Variants in SEMA3F observed in about 807,000 individuals in gnomAD.
SEMA3F encodes the protein semaphorin-3F.
SEMA3F carries 30 observed loss-of-function variants against 98.5 expected under a neutral mutation model. The ratio of observed to expected loss-of-function variants is 0.30; its 90% CI spans 0.23 to 0.41. The LOEUF is 0.41. Ranked by LOEUF, SEMA3F falls within the 10% of genes least tolerant of loss-of-function variation. The pLI is 1.00. For missense variants in SEMA3F, 866 were observed against 1,119.3 expected (o/e 0.77, Z 3.23); for synonymous variants, 380 against 444.8 (o/e 0.85, Z 1.83).
At chr3:50,168,447 C>T (rs992007604) in intron 2 of SEMA3F, among the ~76,000 whole-genome samples, 1 of 152,166 alleles carries the variant, frequency 6.6e-6, no homozygotes, top group African/African-American at 2.4e-5. Flanking sequence ...AGGTGTGTCT[C>T]TGCACATACT....
At position 50,156,421 on chromosome 3, in the gene SEMA3F, A is replaced by G. The variant is rs560841397; in HGVS notation, c.-49+857A>G. 6.6e-6 allele frequency among the ~76,000 whole-genome samples: 1 copy of G among 152,348 alleles called. No individual in the cohort carries two copies. Among genetic ancestry groups the G allele is most frequent in the South Asian group, 2.1e-4 (1 of 4,828 alleles). ...TTTGAGATAGCTGTGTTTTGCCACCAGAACATTACTGCTTGGGAGAGGTAA... is the reference window on the plus strand; with the variant it reads ...TTTGAGATAGCTGTGTTTTGCCACCGGAACATTACTGCTTGGGAGAGGTAA... On this transcript the variant is annotated intron_variant, in intron 1 of 18. Transcript: ENST00000002829. The surrounding 1 kb of genome is among the most constrained non-coding windows in gnomAD (Gnocchi z 4.5).
Position 50,186,036 on chromosome 3 carries a change from T to A in SEMA3F, c.1735T>A (p.Ser579Thr). Residue 579 changes from serine (S) to threonine (T), a missense_variant, in exon 16 of 19, where the codon TCC (serine) becomes ACC (threonine). Physicochemically the swap from Ser to Thr is moderately conservative, Grantham distance 58. Around this residue, in one of 3 missense-constraint regions of SEMA3F, gnomAD observed 374 missense variants for 582.8 expected, o/e 0.64. Transcript: ENST00000002829. ...CCAGGCCTGCTCCCGCTATACAGCA[T>A]CCTCCAAGAGGTGTGGACCCCTAGA... is the stretch of plus-strand genomic sequence containing the variant. The part of the protein sequence containing the change: ...DGQACSRYTA[S>T]SKRRSRRQDV... 3 of 1,612,038 alleles carry A rather than the reference T, an allele frequency of 1.9e-6. No individual in the cohort carries two copies. The highest frequency in any genetic ancestry group is 2.5e-6 in the Non-Finnish European group (3 of 1,178,704).
chr3:50,182,299 C>T lies in SEMA3F; in HGVS notation c.659C>T (p.Ala220Val). 1 of 1,614,118 alleles carries T rather than the reference C, an allele frequency of 6.2e-7. No individual in the cohort carries two copies. The highest frequency in any genetic ancestry group is 8.5e-7 in the Non-Finnish European group (1 of 1,180,040). The change falls in exon 8 of 19, where the codon GCT becomes GTT. Residue 220 changes from alanine (A) to valine (V), a missense_variant. This residue lies in a region of SEMA3F where 374 missense variants were observed against 582.8 expected (regional missense o/e 0.64). Transcript: ENST00000002829. This position sits in a 1 kb window ranked among gnomAD's most constrained non-coding sequence, Gnocchi z 4.5. ...CTACCCACAGATGAGGAGCTCTATG[C>T]TGGTGTGTACATCGATTTTATGGGC... ...ASALINEELY[A>V]GVYIDFMGTD...
chr3:50,169,309 C>T (rs1428155205), intron 2 of SEMA3F, among the ~76,000 whole-genome samples: 1 of 152,194 alleles, frequency 6.6e-6, no homozygotes, highest in Non-Finnish European at 1.5e-5. Context: ...CCGGGGGCCC[C>T]CAGGACCCAG....
intron 7 of SEMA3F, among the ~76,000 whole-genome samples, chr3:50,181,467 G>A (rs1333098813): frequency 6.1e-5 from 9 of 148,202 alleles, no homozygotes; most frequent in Non-Finnish European, 1.2e-4. Flanking sequence ...GACTACATGC[G>A]TGCACCACCA....
chr3:50,177,006 G>T (rs1575397889), intron 7 of SEMA3F, 145 bp downstream of exon 7: 3 of 693,006 alleles, frequency 4.3e-6, no homozygotes, highest in South Asian at 3.4e-5. Flanking sequence ...TGGCAAGGGG[G>T]AGAGGGTGCA....
In SEMA3F at chr3:50,186,013, A is replaced by G. The variant is rs1432424075; in HGVS notation, c.1712A>G (p.Gln571Arg). ...ARDPYCAWDG[Q>R]ACSRYTASSK... The stretch of plus-strand genomic sequence containing the variant: ...GACCCTTACTGTGCCTGGGATGGCC[A>G]GGCCTGCTCCCGCTATACAGCATCC... Residue 571 changes from glutamine to arginine, a missense_variant, in exon 16 of 19, where the codon CAG (glutamine) becomes CGG (arginine). Coordinates refer to ENST00000002829, the MANE Select transcript of SEMA3F (RefSeq NM_004186.5). 1.2e-6 allele frequency: 2 copies of G among 1,613,884 alleles called. No homozygotes were observed. Among genetic ancestry groups the G allele is most frequent in the Non-Finnish European group, 1.7e-6 (2 of 1,179,852 alleles).
intron 7 of SEMA3F, 108 bp downstream of exon 7, chr3:50,176,969 T>A: frequency 2.3e-6 from 2 of 888,842 alleles, no homozygotes; most frequent in Non-Finnish European, 3.6e-6. Context: ...GACTAGGCTG[T>A]CCCTGAACTC....
At chr3:50,186,568 G>A (rs372211895) in intron 17 of SEMA3F, 45 bp from the exon 18 acceptor site, 1 of 1,567,218 alleles carries the variant, frequency 6.4e-7, no homozygotes. Flanking sequence ...TCAGCAGGCT[G>A]CCCGGAGGTG....
At chr3:50,160,674 G>A (rs1320806748) in intron 2 of SEMA3F, among the ~76,000 whole-genome samples, 2 of 152,204 alleles carry the variant, frequency 1.3e-5, no homozygotes, top group Non-Finnish European at 2.9e-5. Context: ...CCTGGGTGGG[G>A]TCGACTCAGC....
At chr3:50,181,511 A>G (rs1699015474) in intron 7 of SEMA3F, among the ~76,000 whole-genome samples, 1 of 151,470 alleles carries the variant, frequency 6.6e-6, no homozygotes, top group Non-Finnish European at 1.5e-5. Flanking sequence ...TTTAGTAGAA[A>G]CAGGGTTTCA....
At chr3:50,168,625 C>T (rs558554641) in intron 2 of SEMA3F, among the ~76,000 whole-genome samples, 9 of 152,292 alleles carry the variant, frequency 5.9e-5, no homozygotes, top group African/African-American at 1.9e-4. Flanking sequence ...TCCGGCTGGC[C>T]GCTCATTAAA....
chr3:50,162,410 C>G (rs1221344066), intron 2 of SEMA3F, among the ~76,000 whole-genome samples: 1 of 152,186 alleles, frequency 6.6e-6, no homozygotes, highest in Non-Finnish European at 1.5e-5. Context: ...CAAAATCAGG[C>G]AGAAGTGAGG....
At chr3:50,186,182 C>T (rs1699203780) in intron 16 of SEMA3F, 99 bp from the exon 17 acceptor site, 1 of 1,478,226 alleles carries the variant, frequency 6.8e-7, no homozygotes. Context: ...GACATCACTG[C>T]CCTGGGGAAA....
At chr3:50,162,538 G>A (rs1007383496) in intron 2 of SEMA3F, among the ~76,000 whole-genome samples, 5 of 152,190 alleles carry the variant, frequency 3.3e-5, no homozygotes, top group Non-Finnish European at 7.3e-5. Flanking sequence ...CCATGCCTGG[G>A]CCTGGAGTCC....
chr3:50,163,532 T>C (rs1360489091), intron 2 of SEMA3F, among the ~76,000 whole-genome samples: 3 of 152,086 alleles, frequency 2.0e-5, no homozygotes, highest in African/African-American at 7.2e-5. Flanking sequence ...AGGTTAGAGG[T>C]TAGGAAGGGT....
At chr3:50,185,838 G>A in intron 15 of SEMA3F, 51 bp from the exon 16 acceptor site, 13 of 1,606,322 alleles carry the variant, frequency 8.1e-6, no homozygotes, top group Non-Finnish European at 1.1e-5. Context: ...CTGGCTGTTG[G>A]TGGGGCTGGC....
rs998119298 is a variant in SEMA3F at position 50,188,978 on chromosome 3, T to C, written c.*863T>C. The C allele has an allele frequency of 3.9e-5, 6 of 152,036 alleles. No individual in the cohort carries two copies. The highest frequency in any genetic ancestry group is 1.5e-4 in the African/African-American group (6 of 41,360). The allele number at this position is 152,036 out of a possible 1,614,324, so 9.4% of individuals were successfully genotyped here. A position where few individuals can be genotyped will look rare whatever the true frequency, so the allele number is the denominator to read the frequency against. ...GATGTAATTAGCTCTGGGGGGCAGT[T>C]GGGTAGATGGGTGGGGGCTCCTGGT... On this transcript the variant is annotated 3_prime_UTR_variant, in exon 19 of 19. Coordinates refer to ENST00000002829, the MANE Select transcript of SEMA3F (RefSeq NM_004186.5). This position sits in a 1 kb window ranked among gnomAD's most constrained non-coding sequence, Gnocchi z 4.5.
At position 50,166,073 on chromosome 3, in the gene SEMA3F, C is replaced by T. The variant is rs1054725734; in HGVS notation, c.112+6339C>T. On this transcript the variant is annotated intron_variant, in intron 2 of 18. Coordinates refer to ENST00000002829, the MANE Select transcript of SEMA3F (RefSeq NM_004186.5). This position sits in a 1 kb window ranked among gnomAD's most constrained non-coding sequence, Gnocchi z 4.7. Reference sequence around the variant, plus strand: ...TCCAGGGATCAGGAAGCCTCAGCTCCGGATCCCCCTTCCCCCACTCTTCTT... The same window carrying T: ...TCCAGGGATCAGGAAGCCTCAGCTCTGGATCCCCCTTCCCCCACTCTTCTT... 6.6e-6 allele frequency among the ~76,000 whole-genome samples: 1 copy of T among 152,164 alleles called. No homozygotes were observed. Among genetic ancestry groups the T allele is most frequent in the African/African-American group, 2.4e-5 (1 of 41,428 alleles).
Sources: gnomAD v4.1 joint callset for allele counts (sites outside exome capture counted in the v4.1 genomes callset) on GRCh38, gnomAD v4.1.1 for gene constraint, gnomAD v4.1.1 regional missense constraint, Gnocchi (gnomAD v3.1) non-coding constraint, MANE v1.5 for transcripts, NCBI Gene and HGNC (gene_info 2026-07-23, HGNC 2026-07-21) for gene names.